The following PLEKHH1 variants were observed in gnomAD, a reference collection of about 807,000 sequenced individuals.
PLEKHH1 encodes pleckstrin homology domain-containing family H member 1.
PLEKHH1 carries 104 observed loss-of-function variants against 160.0 expected under a neutral mutation model. That is an observed-to-expected ratio of 0.65 (90% CI 0.55 to 0.76). PLEKHH1 has a LOEUF of 0.76. PLEKHH1 is among the 30% of genes least tolerant of loss of function. The pLI is 0.00. For synonymous variants in PLEKHH1, 619 were observed against 678.4 expected (o/e 0.91, Z 1.36); for missense variants, 1,427 against 1,724.1 (o/e 0.83, Z 3.05).
In PLEKHH1 at chr14:67,557,403, T is replaced by C; in HGVS notation, c.324T>C (p.Ala108=). The C allele has an allele frequency of 3.1e-6, 5 of 1,613,396 alleles. No homozygotes were observed. The highest frequency in any genetic ancestry group is 4.2e-6 in the Non-Finnish European group (5 of 1,179,766). Reference sequence around the variant, plus strand: ...ATGAGCTCATCAGCCAGCTAGAGGCTCAGCTGGAGAAGCAGGTAAGGGCTC... The same window carrying C: ...ATGAGCTCATCAGCCAGCTAGAGGCCCAGCTGGAGAAGCAGGTAAGGGCTC... The part of the protein sequence containing the change: ...GKDELISQLE[A]QLEKQKQMRA... Residue 108 remains alanine, a synonymous_variant, in exon 4 of 29, where the codon GCT becomes GCC. Transcript: ENST00000329153.
At chr14:67,539,358 G>C (rs569140525) in intron 1 of PLEKHH1, among the ~76,000 whole-genome samples, 126 of 152,304 alleles carry the variant, frequency 8.3e-4, no homozygotes, top group African/African-American at 3.0e-3. Flanking sequence ...TCACAATGCA[G>C]GGATTGTTTA....
intron 7 of PLEKHH1, among the ~76,000 whole-genome samples, chr14:67,567,753 C>T (rs2035175077): frequency 6.6e-6 from 1 of 152,138 alleles, no homozygotes; most frequent in South Asian, 2.1e-4. Flanking sequence ...ATGCCATCTC[C>T]TAGCCCATCT....
intron 3 of PLEKHH1, 67 bp downstream of exon 3, chr14:67,555,954 C>A: frequency 6.3e-7 from 1 of 1,581,014 alleles, no homozygotes; most frequent in South Asian, 1.2e-5. Flanking sequence ...AGGCCCTTCC[C>A]ACGGACACAG....
chr14:67,569,086 GTGGGA>G, intron 7 of PLEKHH1, 47 bp from the exon 8 acceptor site: 1 of 1,242,918 alleles, frequency 8.0e-7, no homozygotes, highest in Non-Finnish European at 1.2e-6. Context: ...CCTGGAGGGG[GTGGGA>G]TGGGCATCAT....
Position 67,575,394 on chromosome 14 carries a change from A to G in PLEKHH1, c.2091A>G (p.Val697=). 6.3e-7 allele frequency: 1 copy of G among 1,597,972 alleles called. No individual in the cohort carries two copies. The highest frequency in any genetic ancestry group is 1.1e-5 in the South Asian group (1 of 88,976). Residue 697 remains valine (V), a splice_region_variant and synonymous_variant, in exon 15 of 29, where the codon GTA becomes GTG. Transcript: ENST00000329153. The stretch of plus-strand genomic sequence containing the variant: ...GCCAGTTCATTTCTGTCTTACAGGT[A>G]AAGCATGGCCACTCCAAGGTGGTCT... ...KPTVKGWLTK[V]KHGHSKVVWC... is the part of the protein sequence containing the mutation.
Position 67,587,491 on chromosome 14 carries a change from C to A in PLEKHH1, c.*256C>A, listed in dbSNP as rs747458666. 2.0e-6 allele frequency: 1 copy of A among 505,228 alleles called. No individual in the cohort carries two copies. The highest frequency in any genetic ancestry group is 3.3e-5 in the Admixed American group (1 of 30,406). The allele number at this position is 505,228 out of a possible 1,614,324, so 31.3% of individuals were successfully genotyped here. A position where few individuals can be genotyped will look rare whatever the true frequency, so the allele number is the denominator to read the frequency against. ...ATAAGAATAATGACTCCAGATGCTA[C>A]CTGATTCTAGACATAGACAGGGATG... On this transcript the variant is annotated 3_prime_UTR_variant, in exon 29 of 29. Coordinates refer to ENST00000329153, the MANE Select transcript of PLEKHH1 (RefSeq NM_020715.3).
chr14:67,583,362 GC>G (rs974107378), intron 24 of PLEKHH1, among the ~76,000 whole-genome samples: 1 of 152,084 alleles, frequency 6.6e-6, no homozygotes, highest in African/African-American at 2.4e-5. Flanking sequence ...AACTCCAAAG[GC>G]CACATTTGGA....
intron 4 of PLEKHH1, among the ~76,000 whole-genome samples, chr14:67,557,810 G>T (rs143314649): frequency 6.6e-6 from 1 of 152,232 alleles, no homozygotes; most frequent in Non-Finnish European, 1.5e-5. Flanking sequence ...TGTCAGGCAC[G>T]TGGTCAGTAC....
Position 67,567,159 on chromosome 14 carries a change from G to A in PLEKHH1, c.1264-1979G>A, listed in dbSNP as rs2035142458. Among the ~76,000 whole-genome samples the A allele has an allele frequency of 3.9e-5, 6 of 152,202 alleles. No homozygotes were observed. The South Asian group carries it at 1.2e-3, about 32-fold the overall frequency. ...TCACTCGTGTTCCGTGTTCCGGGGA[G>A]AGCTTAAGAAATCACAGTGGCCAGA... On this transcript the variant is annotated intron_variant, in intron 7 of 28. Transcript: ENST00000329153.
chr14:67,569,663 A>G, intron 8 of PLEKHH1: 2 of 533,576 alleles, frequency 3.7e-6, no homozygotes, highest in Non-Finnish European at 6.8e-6. Flanking sequence ...ACAGTGGAAC[A>G]CTGTGCAAGC....
intron 7 of PLEKHH1, among the ~76,000 whole-genome samples, chr14:67,564,421 C>A (rs746772608): frequency 6.6e-6 from 1 of 152,118 alleles, no homozygotes; most frequent in Non-Finnish European, 1.5e-5. Context: ...GGCCACACAT[C>A]ATTAACCTTT....
At chr14:67,572,090 G>C (rs369612873) in intron 10 of PLEKHH1, 45 bp from the exon 11 acceptor site, 12 of 1,578,666 alleles carry the variant, frequency 7.6e-6, no homozygotes, top group South Asian at 1.2e-5. Context: ...TGCGTGAGTC[G>C]GGGAGGTGTG....
Position 67,545,218 on chromosome 14 carries a change from C to A in PLEKHH1, c.126+3225C>A, listed in dbSNP as rs2034129759. 4.6e-5 allele frequency among the ~76,000 whole-genome samples: 7 copies of A among 152,174 alleles called. No homozygotes were observed. In the South Asian group the frequency reaches 1.5e-3, roughly 32 times the overall value. On this transcript the variant is annotated intron_variant, in intron 2 of 28. Coordinates refer to ENST00000329153, the MANE Select transcript of PLEKHH1 (RefSeq NM_020715.3). ...AAGTTAGTGACTCGGAGGTTTCATACCTTTCTTCTGCTGATATGCCACTGG... is the reference window on the plus strand; with the variant it reads ...AAGTTAGTGACTCGGAGGTTTCATAACTTTCTTCTGCTGATATGCCACTGG...
chr14:67,586,661 C>A, intron 28 of PLEKHH1: 2 of 469,918 alleles, frequency 4.3e-6, no homozygotes, highest in Non-Finnish European at 7.1e-6. Flanking sequence ...TTGTTCCTGA[C>A]TCCCGTGTGA....
chr14:67,546,836 C>T (rs2034201269), intron 2 of PLEKHH1, among the ~76,000 whole-genome samples: 1 of 152,174 alleles, frequency 6.6e-6, no homozygotes, highest in Admixed American at 6.5e-5. Context: ...ACACTCCAGC[C>T]TGGGTGACAC....
chr14:67,567,123 CT>C (rs2035136268), intron 7 of PLEKHH1, among the ~76,000 whole-genome samples: 1 of 150,154 alleles, frequency 6.7e-6, no homozygotes, highest in East Asian at 2.0e-4. Flanking sequence ...TCCCAGGCCC[CT>C]GAGGCATGAT....
Position 67,567,534 on chromosome 14 carries a change from C to T in PLEKHH1, c.1264-1604C>T, listed in dbSNP as rs142048188. On this transcript the variant is annotated intron_variant, in intron 7 of 28. Transcript: ENST00000329153. ...CGAATTTTACTTGGGCTCGATGTAT[C>T]TGCCCTACACGAGCACAGAAACTCC... Among the ~76,000 whole-genome samples the T allele has an allele frequency of 2.4e-3, 364 of 151,978 alleles. 4 individuals carry two copies. Among genetic ancestry groups the T allele is most frequent in the African/African-American group, 8.4e-3 (347 of 41,452 alleles).
intron 2 of PLEKHH1, among the ~76,000 whole-genome samples, chr14:67,555,473 G>C (rs1370769930): frequency 6.6e-6 from 1 of 152,148 alleles, no homozygotes; most frequent in Non-Finnish European, 1.5e-5. Context: ...TGAGAGGAAA[G>C]GGGCCTCAGG....
intron 8 of PLEKHH1, chr14:67,569,637 G>T: frequency 2.0e-6 from 1 of 495,126 alleles, no homozygotes; most frequent in Non-Finnish European, 3.7e-6. Flanking sequence ...CGTATGATTT[G>T]TAACTCACAT....
Sources: gnomAD v4.1 joint callset for allele counts (sites outside exome capture counted in the v4.1 genomes callset) on GRCh38, gnomAD v4.1.1 for gene constraint, MANE v1.5 for transcripts, NCBI Gene and HGNC (gene_info 2026-07-23, HGNC 2026-07-21) for gene names.